The following CFAP74 variants were observed in gnomAD, a reference collection of about 807,000 sequenced individuals.
The protein encoded by CFAP74 is cilia and flagella associated protein 74, also known as cilia- and flagella-associated protein 74.
CFAP74 carries 124 observed loss-of-function variants against 188.9 expected under a neutral mutation model. The ratio of observed to expected loss-of-function variants is 0.66; its 90% CI spans 0.57 to 0.76. The LOEUF is 0.76. Ranked by LOEUF, CFAP74 falls within the 30% of genes least tolerant of loss-of-function variation. The probability of loss-of-function intolerance (pLI) is 0.00; values close to 1 mark genes in which losing one functional copy is unlikely to be tolerated. For missense variants in CFAP74, 2,198 were observed against 2,165.2 expected (o/e 1.02, Z -0.30); for synonymous variants, 956 against 916.7 (o/e 1.04, Z -0.77).
intron 11 of CFAP74, among the ~76,000 whole-genome samples, chr1:1,967,498 C>T (rs960923882): frequency 2.6e-5 from 4 of 151,940 alleles, no homozygotes; most frequent in Non-Finnish European, 5.9e-5. Flanking sequence ...GTGCTCCTGG[C>T]GGAGGGATCG....
In CFAP74 at chr1:1,968,604, G is replaced by A; in HGVS notation, c.1245+31C>T. 6.3e-7 allele frequency: 1 copy of A among 1,592,732 alleles called. No individual in the cohort carries two copies. Among genetic ancestry groups the A allele is most frequent in the East Asian group, 2.2e-5 (1 of 44,678 alleles). On this transcript the variant is annotated intron_variant, in intron 11 of 38. Transcript: ENST00000682832. The surrounding 1 kb of genome is among the most constrained non-coding windows in gnomAD (Gnocchi z 4.3). ...CCCACCTGCCCTCCACAGGTGTGCGGCTTCTGTCTACAGGAAGGCGTTTTG... is the reference window on the plus strand; with the variant it reads ...CCCACCTGCCCTCCACAGGTGTGCGACTTCTGTCTACAGGAAGGCGTTTTG...
At chr1:1,986,788 G>T in intron 5 of CFAP74, 149 bp downstream of exon 5, 1 of 644,554 alleles carries the variant, frequency 1.6e-6, no homozygotes, top group East Asian at 2.7e-5. Context: ...GACCTCACAT[G>T]CTTCTGCATG....
intron 27 of CFAP74, 94 bp from the exon 28 acceptor site, chr1:1,927,840 G>T (rs367695456): frequency 7.2e-7 from 1 of 1,395,806 alleles, no homozygotes; most frequent in East Asian, 2.5e-5. Flanking sequence ...CGGGAACCGC[G>T]GGAGCCGCAG....
chr1:1,940,235 C>G (rs755209496), intron 23 of CFAP74, 81 bp downstream of exon 23: 3 of 1,146,568 alleles, frequency 2.6e-6, no homozygotes, highest in Admixed American at 4.2e-5. Context: ...GGCCCTCGCC[C>G]GGGTGCTGGG....
At chr1:1,991,786 TC>T (rs1483256762) in intron 1 of CFAP74, among the ~76,000 whole-genome samples, 1 of 152,140 alleles carries the variant, frequency 6.6e-6, no homozygotes, top group Admixed American at 6.5e-5. Flanking sequence ...ACACCTGTAA[TC>T]CCAGCACTTT....
rs368268237 is a variant in CFAP74 at position 1,960,015 on chromosome 1, G to A, written c.1710C>T (p.Gly570=). 4.0e-5 allele frequency: 64 copies of A among 1,593,762 alleles called. No homozygotes were observed. In the African/African-American group the frequency reaches 6.5e-4, roughly 16 times the overall value. Reference sequence around the variant, plus strand: ...CACAGGACATTCCGGCTGACAGGGGGCCAGGGGGGTCAAAGCTGCAGGACG... The same window carrying A: ...CACAGGACATTCCGGCTGACAGGGGACCAGGGGGGTCAAAGCTGCAGGACG... ...DFIHVDFDPP[G]PLSAGMSCEV... is the part of the protein sequence containing the mutation. Residue 570 remains glycine (G), a synonymous_variant, in exon 15 of 39, where the codon GGC becomes GGT. Transcript: ENST00000682832.
At position 1,958,036 on chromosome 1, in the gene CFAP74, TGAAGAAACTGA is replaced by T. The variant is rs533983675; in HGVS notation, c.1851+1073_1851+1083del. ...AAATACTCAAACACTGGTGAGCCTATGAAGAAACTGAGAGGAAAACACTTCTCTCTCTGCCA... is the reference window on the plus strand; with the variant it reads ...AAATACTCAAACACTGGTGAGCCTATGAGGAAAACACTTCTCTCTCTGCCA... On this transcript the variant is annotated intron_variant, in intron 16 of 38. Transcript: ENST00000682832. Among the ~76,000 whole-genome samples the T allele has an allele frequency of 5.3e-5, 8 of 152,328 alleles. No homozygotes were observed. The East Asian group carries it at 1.4e-3, about 26-fold the overall frequency.
In CFAP74 at chr1:1,942,276, A is replaced by C. The variant is rs1570870579; in HGVS notation, c.2487-120T>G. ...AGCCCCCGAGAGGTGCTCAGAGCCCACCCACTCCAAGCCATGCACGTGCAC... is the reference window on the plus strand; with the variant it reads ...AGCCCCCGAGAGGTGCTCAGAGCCCCCCCACTCCAAGCCATGCACGTGCAC... On this transcript the variant is annotated intron_variant, in intron 21 of 38. Transcript: ENST00000682832. The surrounding 1 kb of genome is among the most constrained non-coding windows in gnomAD (Gnocchi z 4.3). The C allele has an allele frequency of 3.0e-6, 3 of 1,014,178 alleles. No individual in the cohort carries two copies. Among genetic ancestry groups the C allele is most frequent in the Non-Finnish European group, 4.0e-6 (3 of 749,314 alleles). The allele number at this position is 1,014,178 out of a possible 1,614,324, so 62.8% of individuals were successfully genotyped here.
chr1:1,945,004 G>A (rs369884737), intron 20 of CFAP74, among the ~76,000 whole-genome samples: 7 of 152,284 alleles, frequency 4.6e-5, no homozygotes, highest in Admixed American at 2.6e-4. Flanking sequence ...TAACATTTAG[G>A]TGTTTAAAAA....
chr1:1,957,380 G>A (rs1051824674), intron 16 of CFAP74, among the ~76,000 whole-genome samples: 1 of 152,230 alleles, frequency 6.6e-6, no homozygotes, highest in African/African-American at 2.4e-5. Context: ...AGGACCAGGG[G>A]CCACCGACGC....
chr1:1,951,884 G>A (rs1236231180), intron 18 of CFAP74, among the ~76,000 whole-genome samples: 1 of 152,124 alleles, frequency 6.6e-6, no homozygotes, highest in Non-Finnish European at 1.5e-5. Flanking sequence ...CAGCCTGTGT[G>A]ATGCAAACCG....
chr1:1,953,333 T>A (rs933649448), intron 18 of CFAP74: 1 of 151,498 alleles, frequency 6.6e-6, no homozygotes, highest in East Asian at 1.9e-4. Context: ...TTTACTCTTA[T>A]AGGCCAGGCT....
intron 1 of CFAP74, among the ~76,000 whole-genome samples, chr1:2,001,399 G>A (rs538504171): frequency 1.3e-5 from 2 of 151,654 alleles, no homozygotes; most frequent in African/African-American, 2.4e-5. Context: ...GCGCAGGGTC[G>A]GCTCACTGCA....
intron 1 of CFAP74, among the ~76,000 whole-genome samples, chr1:1,998,718 CA>C (rs34150558): frequency 1.3e-5 from 2 of 149,762 alleles, no homozygotes; most frequent in Non-Finnish European, 3.0e-5. Context: ...ACTAAAAATA[CA>C]AAAAAAAATT....
chr1:1,954,833 CCT>C, intron 18 of CFAP74: 1 of 1,141,022 alleles, frequency 8.8e-7, no homozygotes, highest in Non-Finnish European at 1.1e-6. Flanking sequence ...CTGGCTATGC[CCT>C]GTGATGCAGG....
In CFAP74 at chr1:1,992,878, G is replaced by C. The variant is rs914612341; in HGVS notation, c.-19-1903C>G. On this transcript the variant is annotated intron_variant, in intron 1 of 38. Coordinates refer to ENST00000682832, the MANE Select transcript of CFAP74 (RefSeq NM_001304360.2). ...TGGAACTCTTGGTACCGAATCTTCT[G>C]TGTCCAGATGTTGGAACTAAATAAT... is the stretch of plus-strand genomic sequence containing the variant. Among the ~76,000 whole-genome samples, 3 of 151,958 alleles carry C rather than the reference G, an allele frequency of 2.0e-5. No homozygotes were observed. The East Asian group carries it at 5.8e-4, about 29-fold the overall frequency.
intron 6 of CFAP74, chr1:1,985,155 G>T (rs1315347710): frequency 4.1e-6 from 2 of 482,762 alleles, no homozygotes; most frequent in Admixed American, 3.2e-5. Context: ...AGAGGAAAAA[G>T]AACCTGATTT....
rs920346789 is a variant in CFAP74, at chr1:1,942,182, G to C, written c.2487-26C>G. 11 of 1,478,844 alleles carry C rather than the reference G, an allele frequency of 7.4e-6. No individual in the cohort carries two copies. In the African/African-American group the frequency reaches 1.1e-4, roughly 15 times the overall value. 91.6% of individuals were successfully genotyped at this position (1,478,844 alleles called of 1,614,324 possible). A position where few individuals can be genotyped will look rare whatever the true frequency, so the allele number is the denominator to read the frequency against. ...CTGTGGGCGTGTCGCAGGGCACTGG[G>C]TCAGGTGCCACAGTCGTGATTCTGT... On this transcript the variant is annotated intron_variant, in intron 21 of 38. Transcript: ENST00000682832. The surrounding 1 kb of genome is among the most constrained non-coding windows in gnomAD (Gnocchi z 4.3).
chr1:1,985,280 G>A (rs1452570322), intron 6 of CFAP74, 106 bp downstream of exon 6: 31 of 898,670 alleles, frequency 3.4e-5, no homozygotes, highest in Non-Finnish European at 4.9e-5. Flanking sequence ...GCAGTTTGCC[G>A]GTCAGGTGCA....
Sources: gnomAD v4.1 joint callset for allele counts (sites outside exome capture counted in the v4.1 genomes callset) on GRCh38, gnomAD v4.1.1 for gene constraint, Gnocchi (gnomAD v3.1) non-coding constraint, MANE v1.5 for transcripts, NCBI Gene and HGNC (gene_info 2026-07-23, HGNC 2026-07-21) for gene names.